ADAM23: variants seen among roughly 807,000 people sequenced by gnomAD.
ADAM23 encodes ADAM metallopeptidase domain 23.
Under a neutral mutation model 120.1 loss-of-function variants are expected in ADAM23, and 33 were observed. The ratio of observed to expected loss-of-function variants is 0.27; its 90% CI spans 0.21 to 0.37. ADAM23 has a LOEUF of 0.37. ADAM23 is among the 10% of genes least tolerant of loss of function. The probability of loss-of-function intolerance (pLI) is 1.00; values close to 1 mark genes in which losing one functional copy is unlikely to be tolerated. For missense variants in ADAM23, 862 were observed against 1,058.2 expected, an observed-to-expected ratio of 0.81 and a Z score of 2.57; for synonymous variants, 367 against 375.2, an observed-to-expected ratio of 0.98 and a Z score of 0.25.
intron 24 of ADAM23, among the ~76,000 whole-genome samples, chr2:206,596,925 T>G (rs1698538908): frequency 1.5e-5 from 1 of 68,860 alleles, no homozygotes. Flanking sequence ...TTTTTTTTTT[T>G]GAGACAGGAT....
rs561271076 is a variant in ADAM23 at position 206,567,402 on chromosome 2, G to T, written c.1494+80G>T. The stretch of plus-strand genomic sequence containing the variant: ...AGTGCAACAGTGCTGGATATCAGAC[G>T]CCTGTCTTGGAAAGCAGGTTTCTTG... On this transcript the variant is annotated intron_variant, in intron 15 of 25. Transcript: ENST00000264377. The T allele has an allele frequency of 1.5e-5, 17 of 1,124,926 alleles. No individual in the cohort carries two copies. The Admixed American group carries it at 1.8e-4, about 12-fold the overall frequency. 69.7% of individuals were successfully genotyped at this position (1,124,926 alleles called of 1,614,324 possible).
Position 206,588,187 on chromosome 2 carries a change from A to G in ADAM23, c.1852+33A>G, listed in dbSNP as rs75061579. On this transcript the variant is annotated intron_variant, in intron 20 of 25. Coordinates refer to ENST00000264377, the MANE Select transcript of ADAM23 (RefSeq NM_003812.4). ...GCACCTCCTTGCTTGGCGGTTACAC[A>G]TACCATTTTCTCTTAATAGTGTTCT... 1,049 of 1,608,084 alleles carry G rather than the reference A, an allele frequency of 6.5e-4. 7 individuals are homozygous for G. In the African/African-American group the frequency reaches 0.013, roughly 19 times the overall value.
At chr2:206,557,335 T>A in intron 9 of ADAM23, 92 bp from the exon 10 acceptor site, 13 of 1,008,408 alleles carry the variant, frequency 1.3e-5, no homozygotes, top group Middle Eastern at 2.1e-4. Flanking sequence ...TCCATATTTC[T>A]ACTATTACTG....
intron 18 of ADAM23, among the ~76,000 whole-genome samples, chr2:206,574,480 T>C (rs1051080008): frequency 1.3e-5 from 2 of 151,950 alleles, no homozygotes; most frequent in Non-Finnish European, 2.9e-5. Flanking sequence ...TATCTTTATA[T>C]GATTTATACC....
chr2:206,618,379 G>A lies in ADAM23; in HGVS notation c.*752G>A, dbSNP rs1698976430. ...TTTTCTCCTGGACTGAGCATCCTTTGGAAATGGGAGCTGGAATTTGAACAA... is the reference window on the plus strand; with the variant it reads ...TTTTCTCCTGGACTGAGCATCCTTTAGAAATGGGAGCTGGAATTTGAACAA... On this transcript the variant is annotated 3_prime_UTR_variant, in exon 26 of 26. Transcript: ENST00000264377. The A allele has an allele frequency of 5.3e-5, 8 of 152,030 alleles. No homozygotes were observed. In the South Asian group the frequency reaches 1.7e-3, roughly 32 times the overall value. 9.4% of individuals were successfully genotyped at this position (152,030 alleles called of 1,614,324 possible).
intron 3 of ADAM23, among the ~76,000 whole-genome samples, chr2:206,508,239 C>T (rs555024762): frequency 1.3e-5 from 2 of 152,286 alleles, no homozygotes; most frequent in East Asian, 1.9e-4. Flanking sequence ...CCGTGTTAGC[C>T]AGGATGGTCT....
chr2:206,488,690 C>A (rs184132071), intron 3 of ADAM23, among the ~76,000 whole-genome samples: 2 of 152,294 alleles, frequency 1.3e-5, no homozygotes, highest in African/African-American at 4.8e-5. Context: ...GAGTACAAAG[C>A]CCTCAGGCCC....
intron 24 of ADAM23, among the ~76,000 whole-genome samples, chr2:206,602,734 G>T (rs1205282584): frequency 1.3e-5 from 2 of 152,000 alleles, no homozygotes; most frequent in Non-Finnish European, 2.9e-5. Context: ...GTCTATAAAG[G>T]AATTCTACAT....
chr2:206,466,059 AT>A (rs1695535941), intron 2 of ADAM23, among the ~76,000 whole-genome samples: 1 of 152,224 alleles, frequency 6.6e-6, no homozygotes, highest in Non-Finnish European at 1.5e-5. Context: ...GAGATATTGT[AT>A]ATGACAATGT....
chr2:206,616,023 T>A (rs1338844518), intron 25 of ADAM23, among the ~76,000 whole-genome samples: 6 of 152,218 alleles, frequency 3.9e-5, no homozygotes, highest in Non-Finnish European at 1.5e-5. Context: ...TTAACATTTA[T>A]CTTGAGTTCT....
intron 18 of ADAM23, among the ~76,000 whole-genome samples, chr2:206,574,992 A>C (rs1016189752): frequency 6.6e-6 from 1 of 152,188 alleles, no homozygotes; most frequent in African/African-American, 2.4e-5. Flanking sequence ...TGCTGGGTAT[A>C]GAAAGGCAAG....
intron 3 of ADAM23, among the ~76,000 whole-genome samples, chr2:206,509,521 T>C (rs1435247223): frequency 2.0e-5 from 3 of 152,206 alleles, no homozygotes; most frequent in East Asian, 1.9e-4. Context: ...TGATCTTGGC[T>C]CACTGCAACC....
intron 2 of ADAM23, among the ~76,000 whole-genome samples, chr2:206,456,879 G>T (rs941409603): frequency 1.3e-5 from 2 of 152,200 alleles, no homozygotes; most frequent in African/African-American, 4.8e-5. Context: ...TCCAGTGCCT[G>T]TTTTAGAACC....
At chr2:206,573,303 T>A (rs1698042061) in intron 18 of ADAM23, 108 bp downstream of exon 18, 34 of 1,067,812 alleles carry the variant, frequency 3.2e-5, no homozygotes, top group Non-Finnish European at 4.3e-6. Context: ...TTTTTGGATT[T>A]TGGAATATTT....
chr2:206,591,554 A>G (rs1475939222), intron 21 of ADAM23, among the ~76,000 whole-genome samples: 1 of 152,156 alleles, frequency 6.6e-6, no homozygotes, highest in Non-Finnish European at 1.5e-5. Flanking sequence ...TTCTGTGTTG[A>G]TGAACATTTA....
chr2:206,505,492 G>A lies in ADAM23; in HGVS notation c.509+24184G>A, dbSNP rs13384914. Among the ~76,000 whole-genome samples the A allele has an allele frequency of 9.9e-5, 15 of 152,254 alleles. No homozygotes were observed. The East Asian group carries it at 2.9e-3, about 29-fold the overall frequency. Reference sequence around the variant, plus strand: ...TGCAGGCTCTACAGGAAGCATGGCTGGGGAGGCCTCAGGAAACTTACAGTC... The same window carrying A: ...TGCAGGCTCTACAGGAAGCATGGCTAGGGAGGCCTCAGGAAACTTACAGTC... On this transcript the variant is annotated intron_variant, in intron 3 of 25. Coordinates refer to ENST00000264377, the MANE Select transcript of ADAM23 (RefSeq NM_003812.4).
At chr2:206,532,251 A>G (rs1269005689) in intron 4 of ADAM23, among the ~76,000 whole-genome samples, 6 of 152,032 alleles carry the variant, frequency 3.9e-5, no homozygotes, top group Admixed American at 3.9e-4. Context: ...AGGGAACTTT[A>G]TAGACTCAGC....
rs13398683 is a variant in ADAM23 at position 206,586,510 on chromosome 2, T to C, written c.1738-815T>C. 3.1e-3 allele frequency among the ~76,000 whole-genome samples: 472 copies of C among 152,190 alleles called. 3 individuals carry two copies. Among genetic ancestry groups the C allele is most frequent in the African/African-American group, 0.011 (454 of 41,528 alleles). ...TGACTATGGCCTTTGGCTTGAACAA[T>C]TGGAAGGATGGAACATCATTTACTG... On this transcript the variant is annotated intron_variant, in intron 18 of 25. Transcript: ENST00000264377.
At chr2:206,607,304 C>T (rs1373674531) in intron 24 of ADAM23, 1 of 152,184 alleles carries the variant, frequency 6.6e-6, no homozygotes, top group Admixed American at 6.5e-5. Context: ...TGTAAAATTT[C>T]CCCTTGGATC....
Sources: gnomAD v4.1 joint callset for allele counts (sites outside exome capture counted in the v4.1 genomes callset) on GRCh38, gnomAD v4.1.1 for gene constraint, MANE v1.5 for transcripts, NCBI Gene and HGNC (gene_info 2026-07-23, HGNC 2026-07-21) for gene names.